The following FLNB variants were observed in gnomAD, a reference collection of about 807,000 sequenced individuals.
FLNB encodes filamin-B.
Under a neutral mutation model 250.6 loss-of-function variants are expected in FLNB, and 111 were observed. The ratio of observed to expected loss-of-function variants is 0.44; its 90% CI spans 0.38 to 0.52. The LOEUF (loss-of-function observed/expected upper bound fraction) is 0.52, where lower values mean the gene tolerates loss of function less well. FLNB is among the 20% of genes least tolerant of loss of function. FLNB has a pLI of 0.00. For synonymous variants in FLNB, 1,302 were observed against 1,372.1 expected, an observed-to-expected ratio of 0.95 and a Z score of 1.13; for missense variants, 2,869 against 3,447.8, an observed-to-expected ratio of 0.83 and a Z score of 4.20.
At position 58,123,813 on chromosome 3, in the gene FLNB, C is replaced by T. The variant is rs977903651; in HGVS notation, c.3724+123C>T. ...GCCAGGTGACATATAAGGCGGTGCT[C>T]ACCTGTTCCCTCTGCCTCGGGGAGT... On this transcript the variant is annotated intron_variant, in intron 21 of 45. Coordinates refer to ENST00000295956, the MANE Select transcript of FLNB (RefSeq NM_001457.4). The T allele has an allele frequency of 7.6e-6, 6 of 789,590 alleles. No individual in the cohort carries two copies. In the Admixed American group the frequency reaches 9.9e-5, roughly 13 times the overall value. 48.9% of individuals were successfully genotyped at this position (789,590 alleles called of 1,614,324 possible).
intron 18 of FLNB, among the ~76,000 whole-genome samples, chr3:58,113,215 C>T (rs1018129863): frequency 1.5e-4 from 23 of 152,190 alleles, no homozygotes; most frequent in Admixed American, 3.9e-4. Context: ...TGTTTCGCTT[C>T]ATGTTCACAC....
rs138479752 is a variant in FLNB, at chr3:58,111,924, C to T, written c.2575+43C>T. The T allele has an allele frequency of 1.5e-4, 220 of 1,498,632 alleles. No homozygotes were observed. The African/African-American group carries it at 2.1e-3, about 14-fold the overall frequency. 92.8% of individuals were successfully genotyped at this position (1,498,632 alleles called of 1,614,324 possible). The stretch of plus-strand genomic sequence containing the variant: ...GGTTGTCCTGGGCCCCTCTGCCAGC[C>T]GGTGGCACTGGGCGTGTTTCATCCA... On this transcript the variant is annotated intron_variant, in intron 17 of 45. Transcript: ENST00000295956.
intron 8 of FLNB, among the ~76,000 whole-genome samples, chr3:58,101,629 C>T (rs2097251373): frequency 6.6e-6 from 1 of 152,234 alleles, no homozygotes; most frequent in Non-Finnish European, 1.5e-5. Flanking sequence ...TTGTAACAGA[C>T]AGCACGAAAA....
chr3:58,130,249 T>G (rs2097304788), intron 24 of FLNB, among the ~76,000 whole-genome samples: 1 of 152,130 alleles, frequency 6.6e-6, no homozygotes, highest in Admixed American at 6.5e-5. Context: ...GCTTCCTCCT[T>G]CAGTTGCTCC....
chr3:58,154,106 T>C (rs1341752690), intron 39 of FLNB, among the ~76,000 whole-genome samples: 1 of 152,244 alleles, frequency 6.6e-6, no homozygotes, highest in African/African-American at 2.4e-5. Flanking sequence ...TTATTTAATA[T>C]CTTTTTCTCT....
chr3:58,146,013 G>A lies in FLNB; in HGVS notation c.5518G>A (p.Ala1840Thr). The A allele has an allele frequency of 1.9e-6, 3 of 1,614,194 alleles. No individual in the cohort carries two copies. In the African/African-American group the frequency reaches 4.0e-5, roughly 22 times the overall value. Residue 1840 changes from alanine (A) to threonine (T), a missense_variant, in exon 33 of 46, where the codon GCC (alanine) becomes ACC (threonine). Physicochemically the swap from Ala to Thr is moderately conservative, Grantham distance 58 (BLOSUM62 0). Coordinates refer to ENST00000295956, the MANE Select transcript of FLNB (RefSeq NM_001457.4). ...CGTGTATGGAGTGGCCAACAAAACTGCCACCTTCACCATCGTCACAGAGGA... is the reference window on the plus strand; with the variant it reads ...CGTGTATGGAGTGGCCAACAAAACTACCACCTTCACCATCGTCACAGAGGA... Reference protein sequence around the residue: ...GLVYGVANKTATFTIVTEDAG... With the variant: ...GLVYGVANKTTTFTIVTEDAG...
intron 12 of FLNB, 42 bp downstream of exon 12, chr3:58,106,915 C>G (rs1479685065): frequency 1.3e-6 from 2 of 1,568,856 alleles, no homozygotes; most frequent in South Asian, 2.2e-5. Flanking sequence ...TCCCTGGCCC[C>G]TGGTTCCTCA....
intron 1 of FLNB, among the ~76,000 whole-genome samples, chr3:58,052,221 C>A (rs2106844813): frequency 6.6e-6 from 1 of 152,254 alleles, no homozygotes; most frequent in African/African-American, 2.4e-5. Flanking sequence ...ACTTGGAATA[C>A]AATTCGGATT....
At chr3:58,118,178 C>T (rs1047992779) in intron 18 of FLNB, among the ~76,000 whole-genome samples, 5 of 152,220 alleles carry the variant, frequency 3.3e-5, no homozygotes, top group Non-Finnish European at 5.9e-5. Context: ...CGTGAGGGTG[C>T]CTGCCAATCC....
intron 3 of FLNB, among the ~76,000 whole-genome samples, chr3:58,080,952 C>G (rs545562623): frequency 2.0e-5 from 3 of 151,308 alleles, no homozygotes; most frequent in South Asian, 4.2e-4. Flanking sequence ...TGCCACCACA[C>G]TGGGCTAATT....
intron 1 of FLNB, among the ~76,000 whole-genome samples, chr3:58,037,181 C>T (rs2106783922): frequency 6.6e-6 from 1 of 151,328 alleles, no homozygotes; most frequent in Middle Eastern, 3.4e-3. Flanking sequence ...TCTCCTGCCT[C>T]AGCCTCTCAG....
At position 58,168,793 on chromosome 3, in the gene FLNB, G is replaced by T. The variant is rs539085458; in HGVS notation, c.7417+135G>T. On this transcript the variant is annotated intron_variant, in intron 44 of 45. Transcript: ENST00000295956. ...AACTTTGAATGTCAGTAAATAGTATGAGATGTCAGAGGGCAGTGTTTGAAA... is the reference window on the plus strand; with the variant it reads ...AACTTTGAATGTCAGTAAATAGTATTAGATGTCAGAGGGCAGTGTTTGAAA... 7 of 722,036 alleles carry T rather than the reference G, an allele frequency of 9.7e-6. No homozygotes were observed. The East Asian group carries it at 1.9e-4, about 19-fold the overall frequency. The allele number at this position is 722,036 out of a possible 1,614,324, so 44.7% of individuals were successfully genotyped here. A position where few individuals can be genotyped will look rare whatever the true frequency, so the allele number is the denominator to read the frequency against.
At chr3:58,149,024 G>C (rs142206807) in intron 36 of FLNB, among the ~76,000 whole-genome samples, 172 bp downstream of exon 36, 225 of 152,276 alleles carry the variant, frequency 1.5e-3, no homozygotes, top group South Asian at 4.1e-3. Context: ...GCAAAAATGG[G>C]ATTGTCTTTG....
intron 1 of FLNB, among the ~76,000 whole-genome samples, chr3:58,033,993 TG>T (rs1387261749): frequency 1.3e-5 from 2 of 151,858 alleles, no homozygotes; most frequent in African/African-American, 4.8e-5. Flanking sequence ...TCTGAGTAGC[TG>T]GGATTACAGG....
At chr3:58,041,799 G>C (rs528592951) in intron 1 of FLNB, among the ~76,000 whole-genome samples, 2 of 152,160 alleles carry the variant, frequency 1.3e-5, no homozygotes, top group African/African-American at 4.8e-5. Context: ...GCTTTTCTTT[G>C]TGGGCTTCCC....
At position 58,159,632 on chromosome 3, in the gene FLNB, G is replaced by C. The variant is rs748736841; in HGVS notation, c.6967G>C (p.Val2323Leu). 1 of 1,613,704 alleles carries C rather than the reference G, an allele frequency of 6.2e-7. No homozygotes were observed. Among genetic ancestry groups the C allele is most frequent in the African/African-American group, 1.3e-5 (1 of 75,058 alleles). The change falls in exon 42 of 46, where the codon GTG becomes CTG. Residue 2323 changes from valine to leucine, a missense_variant. Val to Leu is a conservative substitution (Grantham distance 32, BLOSUM62 1). Coordinates refer to ENST00000295956, the MANE Select transcript of FLNB (RefSeq NM_001457.4). ...CGCAAAAGGCAAGATTGATGCAAAG[G>C]TGCACAGCCCCTCTGGAGCCGTGGA... ...NGAKGKIDAK[V>L]HSPSGAVEEC...
intron 38 of FLNB, among the ~76,000 whole-genome samples, chr3:58,151,675 A>C (rs1018715098): frequency 1.8e-4 from 27 of 152,232 alleles, no homozygotes; most frequent in Non-Finnish European, 7.3e-5. Context: ...CATTTCATTC[A>C]ATGGAACTAT....
At position 58,123,044 on chromosome 3, in the gene FLNB, G is replaced by C. The variant is rs757303338; in HGVS notation, c.3127-49G>C. ...TGCATGGGTGTTGAAAGCAGTGCTG[G>C]CTGAGCAGCGATCCCAGTGCAGTTT... On this transcript the variant is annotated intron_variant, in intron 20 of 45. Transcript: ENST00000295956. 20 of 1,523,902 alleles carry C rather than the reference G, an allele frequency of 1.3e-5. No homozygotes were observed. In the African/African-American group the frequency reaches 2.6e-4, roughly 20 times the overall value. The allele number at this position is 1,523,902 out of a possible 1,614,324, so 94.4% of individuals were successfully genotyped here.
intron 40 of FLNB, among the ~76,000 whole-genome samples, chr3:58,155,214 G>GCTAC (rs2097351484): frequency 6.6e-6 from 1 of 152,194 alleles, no homozygotes; most frequent in Non-Finnish European, 1.5e-5. Flanking sequence ...CCCACCCATG[G>GCTAC]CTACCCTGGC....
Sources: gnomAD v4.1 joint callset for allele counts (sites outside exome capture counted in the v4.1 genomes callset) on GRCh38, gnomAD v4.1.1 for gene constraint, MANE v1.5 for transcripts, NCBI Gene and HGNC (gene_info 2026-07-23, HGNC 2026-07-21) for gene names.